The following MACROD2 variants were observed in gnomAD, a reference collection of about 807,000 sequenced individuals.
The protein encoded by MACROD2 is mono-ADP ribosylhydrolase 2, also known as ADP-ribose glycohydrolase MACROD2.
MACROD2 carries 36 observed loss-of-function variants against 70.4 expected under a neutral mutation model. The ratio of observed to expected loss-of-function variants is 0.51; its 90% CI spans 0.39 to 0.68. The LOEUF (loss-of-function observed/expected upper bound fraction) is 0.68, where lower values mean the gene tolerates loss of function less well. MACROD2 is among the 30% of genes least tolerant of loss of function. MACROD2 has a pLI of 0.00. For missense variants in MACROD2, 496 were observed against 538.4 expected, an observed-to-expected ratio of 0.92 and a Z score of 0.78; for synonymous variants, 172 against 178.8, an observed-to-expected ratio of 0.96 and a Z score of 0.30.
chr20:14,608,346 C>G (rs757016121), intron 4 of MACROD2, among the ~76,000 whole-genome samples: 1 of 152,116 alleles, frequency 6.6e-6, no homozygotes, highest in Non-Finnish European at 1.5e-5. Flanking sequence ...GTAATCTGCA[C>G]TTTTATTTCT....
chr20:14,657,592 TAATTA>T (rs1428850736), intron 4 of MACROD2, among the ~76,000 whole-genome samples: 1 of 152,194 alleles, frequency 6.6e-6, no homozygotes, highest in Non-Finnish European at 1.5e-5. Context: ...CAATATAAAA[TAATTA>T]AATCATTATC....
chr20:15,428,841 G>T (rs1026573056), intron 6 of MACROD2, among the ~76,000 whole-genome samples: 9 of 151,976 alleles, frequency 5.9e-5, no homozygotes, highest in African/African-American at 2.2e-4. Flanking sequence ...CTCTAGGAAG[G>T]TAGAGGTAAA....
chr20:14,992,327 T>A (rs1052587670), intron 5 of MACROD2, among the ~76,000 whole-genome samples: 1 of 152,168 alleles, frequency 6.6e-6, no homozygotes, highest in Admixed American at 6.5e-5. Flanking sequence ...AGAATGTAGG[T>A]GTTGTAACAC....
chr20:15,328,006 G>C (rs1490163174), intron 6 of MACROD2, among the ~76,000 whole-genome samples: 1 of 152,026 alleles, frequency 6.6e-6, no homozygotes, highest in East Asian at 1.9e-4. Context: ...TATATAGTAT[G>C]TTAAAATTGA....
intron 5 of MACROD2, among the ~76,000 whole-genome samples, chr20:15,009,856 C>T (rs1404183914): frequency 6.6e-6 from 1 of 151,004 alleles, no homozygotes; most frequent in African/African-American, 2.4e-5. Flanking sequence ...TCCTGCCTTC[C>T]AACTAAATTT....
chr20:15,519,830 G>A (rs1360919825), intron 8 of MACROD2, among the ~76,000 whole-genome samples: 1 of 152,190 alleles, frequency 6.6e-6, no homozygotes, highest in African/African-American at 2.4e-5. Flanking sequence ...GCCATTCTTG[G>A]AGTCAGGGAT....
At chr20:15,971,484 G>T (rs1260465927) in intron 13 of MACROD2, among the ~76,000 whole-genome samples, 4 of 152,130 alleles carry the variant, frequency 2.6e-5, no homozygotes, top group South Asian at 4.1e-4. Flanking sequence ...CTTGCCTTCT[G>T]CTGTGATTAT....
chr20:15,995,649 C>CTTTCTTTTTTT (rs2066619000), intron 15 of MACROD2, among the ~76,000 whole-genome samples: 1 of 85,508 alleles, frequency 1.2e-5, no homozygotes, highest in Admixed American at 1.3e-4. Context: ...TATGCCCGGC[C>CTTTCTTTTTTT]TTTTTTTTTT....
At chr20:15,098,553 CATAGTT>C (rs2075850345) in intron 5 of MACROD2, among the ~76,000 whole-genome samples, 1 of 152,174 alleles carries the variant, frequency 6.6e-6, no homozygotes, top group Admixed American at 6.5e-5. Context: ...CACCTTCTTG[CATAGTT>C]ATTCACTCCT....
intron 3 of MACROD2, among the ~76,000 whole-genome samples, chr20:14,310,210 G>C (rs1016650509): frequency 6.6e-6 from 1 of 152,048 alleles, no homozygotes; most frequent in African/African-American, 2.4e-5. Flanking sequence ...AAAATTGTTA[G>C]CATTTTTAGC....
chr20:14,540,074 A>G (rs1266290100), intron 4 of MACROD2, among the ~76,000 whole-genome samples: 1 of 152,246 alleles, frequency 6.6e-6, no homozygotes, highest in Non-Finnish European at 1.5e-5. Flanking sequence ...AAATATATTC[A>G]CATACATTTT....
chr20:14,417,865 G>A (rs1460277256), intron 3 of MACROD2, among the ~76,000 whole-genome samples: 2 of 152,140 alleles, frequency 1.3e-5, no homozygotes, highest in Admixed American at 6.6e-5. Flanking sequence ...AAAATACATT[G>A]TATGGTAACA....
intron 9 of MACROD2, among the ~76,000 whole-genome samples, chr20:15,880,966 G>C (rs1400214417): frequency 6.6e-6 from 1 of 152,002 alleles, no homozygotes; most frequent in Non-Finnish European, 1.5e-5. Flanking sequence ...TGACTGAGCT[G>C]GCTCTTGTAT....
intron 3 of MACROD2, among the ~76,000 whole-genome samples, chr20:14,229,833 C>T (rs1193151117): frequency 6.6e-6 from 1 of 152,150 alleles, no homozygotes; most frequent in Non-Finnish European, 1.5e-5. Context: ...CATAGACAAA[C>T]TATGGTACAC....
chr20:14,389,470 C>A (rs1208049155), intron 3 of MACROD2, among the ~76,000 whole-genome samples: 1 of 149,330 alleles, frequency 6.7e-6, no homozygotes, highest in Non-Finnish European at 1.5e-5. Flanking sequence ...ATTGCCCAGG[C>A]CGGAGTGCAG....
chr20:15,018,453 CT>C (rs1409898414), intron 5 of MACROD2, among the ~76,000 whole-genome samples: 3 of 152,186 alleles, frequency 2.0e-5, no homozygotes, highest in African/African-American at 7.2e-5. Flanking sequence ...TTCCCATCTT[CT>C]TCTGAGCCTC....
chr20:15,157,789 C>T (rs376666824), intron 5 of MACROD2, among the ~76,000 whole-genome samples: 5 of 152,172 alleles, frequency 3.3e-5, no homozygotes, highest in African/African-American at 1.2e-4. Flanking sequence ...ATTATTGTAC[C>T]TGCAGATGCT....
intron 3 of MACROD2, among the ~76,000 whole-genome samples, chr20:14,186,734 T>C (rs1328478792): frequency 6.6e-6 from 1 of 152,088 alleles, no homozygotes; most frequent in African/African-American, 2.4e-5. Context: ...AGAAAATATG[T>C]TACATATACA....
chr20:15,479,348 C>T (rs2047064863), intron 7 of MACROD2, among the ~76,000 whole-genome samples: 1 of 144,348 alleles, frequency 6.9e-6, no homozygotes, highest in African/African-American at 2.6e-5. Context: ...TCTCGGCTCA[C>T]TGCAAGCTCC....
Sources: allele counts gnomAD v4.1 joint callset (sites outside exome capture counted in the v4.1 genomes callset), GRCh38; gene constraint gnomAD v4.1.1; transcripts MANE v1.5; gene names NCBI Gene and HGNC (gene_info 2026-07-23, HGNC 2026-07-21).